ARHGAP39: variants seen among roughly 807,000 people sequenced by gnomAD.
ARHGAP39 encodes rho GTPase-activating protein 39.
ARHGAP39 carries 44 observed loss-of-function variants against 106.9 expected under a neutral mutation model. That is an observed-to-expected ratio of 0.41 (90% CI 0.32 to 0.53). The LOEUF (loss-of-function observed/expected upper bound fraction) is 0.53. Among genes scored for constraint, ARHGAP39 ranks in the 20% least tolerant of loss-of-function variants. The probability of loss-of-function intolerance (pLI) is 0.21; values close to 1 mark genes in which losing one functional copy is unlikely to be tolerated. For missense variants in ARHGAP39, 1,496 were observed against 1,577.3 expected, an observed-to-expected ratio of 0.95 and a Z score of 0.87; for synonymous variants, 768 against 693.2, an observed-to-expected ratio of 1.11 and a Z score of -1.69.
At position 144,647,348 on chromosome 8, in the gene ARHGAP39, C is replaced by A. The variant is rs889079072; in HGVS notation, c.-82+38338G>T. 6.6e-6 allele frequency among the ~76,000 whole-genome samples: 1 copy of A among 152,142 alleles called. No individual in the cohort carries two copies. Among genetic ancestry groups the A allele is most frequent in the Non-Finnish European group, 1.5e-5 (1 of 68,006 alleles). ...CGAACAGCCCATCCTCACATGAAAC[C>A]CGCAGACTGCTGTGTCAAGGTGGCA... On this transcript the variant is annotated intron_variant, in intron 1 of 11. Transcript: ENST00000377307. This position sits in a 1 kb window ranked among gnomAD's most constrained non-coding sequence, Gnocchi z 4.8.
chr8:144,694,963 A>G, the ARHGAP39 span, among the ~76,000 whole-genome samples: 1 of 151,816 alleles, frequency 6.6e-6, no homozygotes, highest in Non-Finnish European at 1.5e-5. Flanking sequence ...GTGAGAAGTG[A>G]TTGTTCACAC....
At chr8:144,695,327 G>A in the ARHGAP39 span, among the ~76,000 whole-genome samples, 1 of 150,976 alleles carries the variant, frequency 6.6e-6, no homozygotes, top group Admixed American at 6.6e-5. Flanking sequence ...GCCCGCCTCG[G>A]CCTCCCAAAG....
chr8:144,611,395 G>A (rs983644018), intron 1 of ARHGAP39, among the ~76,000 whole-genome samples: 1 of 152,210 alleles, frequency 6.6e-6, no homozygotes, highest in Non-Finnish European at 1.5e-5. Flanking sequence ...TGATGGTGCT[G>A]ATACTAATTT....
At position 144,543,353 on chromosome 8, in the gene ARHGAP39, T is replaced by C. The variant is rs145067119; in HGVS notation, c.2521+1896A>G. 1.8e-4 allele frequency among the ~76,000 whole-genome samples: 28 copies of C among 151,968 alleles called. No individual in the cohort carries two copies. In the East Asian group the frequency reaches 5.1e-3, roughly 28 times the overall value. ...GGCACAGGAGGCTGGCTGGAGGGGG[T>C]GTGAGGCTCATTTGGGAAGGAATGG... On this transcript the variant is annotated intron_variant, in intron 6 of 11. Transcript: ENST00000377307.
At chr8:144,655,218 C>CT (rs1821665511) in intron 1 of ARHGAP39, among the ~76,000 whole-genome samples, 1 of 152,178 alleles carries the variant, frequency 6.6e-6, no homozygotes, top group African/African-American at 2.4e-5. Context: ...GTCCCATGGA[C>CT]TGGAGTGGGA....
intron 2 of ARHGAP39, among the ~76,000 whole-genome samples, chr8:144,599,565 G>A (rs966352223): frequency 2.0e-5 from 3 of 152,196 alleles, no homozygotes; most frequent in African/African-American, 7.2e-5. Context: ...GAAGAGGCCT[G>A]GCTGAATGTG....
Position 144,604,636 on chromosome 8 carries a change from C to A in ARHGAP39, c.80+899G>T, listed in dbSNP as rs937717898. 6.6e-5 allele frequency among the ~76,000 whole-genome samples: 10 copies of A among 152,090 alleles called. No homozygotes were observed. The highest frequency in any genetic ancestry group is 5.2e-4 in the Admixed American group (8 of 15,258). On this transcript the variant is annotated intron_variant, in intron 2 of 11. Transcript: ENST00000377307. This position sits in a 1 kb window ranked among gnomAD's most constrained non-coding sequence, Gnocchi z 4.1. ...AGGGTGACTATTACCTTAAAAATAT[C>A]AATGTGACAACAGGCAGAGAAAAGC... is the stretch of plus-strand genomic sequence containing the variant.
intron 6 of ARHGAP39, among the ~76,000 whole-genome samples, chr8:144,542,222 C>T (rs953673497): frequency 2.0e-5 from 3 of 152,208 alleles, no homozygotes; most frequent in Admixed American, 6.5e-5. Context: ...ATGTCTGTGT[C>T]GAGAACCTGT....
At chr8:144,698,682 T>G in the ARHGAP39 span, 140 of 356,362 alleles carry the variant, frequency 3.9e-4, no homozygotes, top group African/African-American at 2.7e-3. Context: ...ACCTATCTGT[T>G]CCATCCATAT....
At chr8:144,546,597 A>G (rs1383675545) in intron 5 of ARHGAP39, among the ~76,000 whole-genome samples, 2 of 152,204 alleles carry the variant, frequency 1.3e-5, no homozygotes, top group African/African-American at 4.8e-5. Flanking sequence ...CACGGGATCT[A>G]GCCTCCATCA....
intron 4 of ARHGAP39, among the ~76,000 whole-genome samples, chr8:144,551,790 G>A (rs932101601): frequency 5.9e-5 from 9 of 152,142 alleles, no homozygotes; most frequent in South Asian, 4.1e-4. Flanking sequence ...CCCGGCCCCC[G>A]GGAGCAAGCA....
chr8:144,530,917 C>G lies in ARHGAP39; in HGVS notation c.2981-46G>C, dbSNP rs551880628. The G allele has an allele frequency of 3.8e-6, 6 of 1,574,430 alleles. No individual in the cohort carries two copies. The African/African-American group carries it at 8.1e-5, about 21-fold the overall frequency. On this transcript the variant is annotated intron_variant, in intron 10 of 11. Transcript: ENST00000377307. Reference sequence around the variant, plus strand: ...TCAGCGGCCCTGCTCGGCGGGCACCCCTGGGCCAAATGGGGTCCCGTGGCG... The same window carrying G: ...TCAGCGGCCCTGCTCGGCGGGCACCGCTGGGCCAAATGGGGTCCCGTGGCG...
rs758255215 is a variant in ARHGAP39 at position 144,646,345 on chromosome 8, G to C, written c.-82+39341C>G. ...TAAAAGTGGTACTGGGAGTTGGCAG[G>C]AACAGAGAGCGGGAGGGGAGGGAGT... On this transcript the variant is annotated intron_variant, in intron 1 of 11. Coordinates refer to ENST00000377307, the MANE Select transcript of ARHGAP39 (RefSeq NM_025251.3). The surrounding 1 kb of genome is among the most constrained non-coding windows in gnomAD (Gnocchi z 5.7). 1.3e-5 allele frequency among the ~76,000 whole-genome samples: 2 copies of C among 152,204 alleles called. No homozygotes were observed. The highest frequency in any genetic ancestry group is 4.8e-5 in the African/African-American group (2 of 41,442).
At position 144,586,831 on chromosome 8, in the gene ARHGAP39, C is replaced by G. The variant is rs967812578; in HGVS notation, c.81-5554G>C. On this transcript the variant is annotated intron_variant, in intron 2 of 11. Transcript: ENST00000377307. This position sits in a 1 kb window ranked among gnomAD's most constrained non-coding sequence, Gnocchi z 4.2. ...CTGCAGGACAGCAGCCATCAGCAAC[C>G]CTACATGGCTGCACGCCCATCTCAT... Among the ~76,000 whole-genome samples the G allele has an allele frequency of 1.3e-5, 2 of 152,200 alleles. No homozygotes were observed. Among genetic ancestry groups the G allele is most frequent in the Non-Finnish European group, 2.9e-5 (2 of 68,038 alleles).
intron 3 of ARHGAP39, among the ~76,000 whole-genome samples, chr8:144,573,394 G>A (rs1818652795): frequency 6.7e-6 from 1 of 149,380 alleles, no homozygotes; most frequent in Admixed American, 6.7e-5. Context: ...TTCATAGGTG[G>A]GAAATGAACA....
chr8:144,597,906 G>C (rs1819682815), intron 2 of ARHGAP39, among the ~76,000 whole-genome samples: 1 of 152,176 alleles, frequency 6.6e-6, no homozygotes, highest in Non-Finnish European at 1.5e-5. Context: ...AACAGACAGG[G>C]ATGCGTCCAC....
At chr8:144,687,649 C>T (rs1190688336), upstream of ARHGAP39, among the ~76,000 whole-genome samples, 3 of 106,568 alleles carry the variant, frequency 2.8e-5, no homozygotes, top group Non-Finnish European at 6.1e-5. Context: ...TGAGCACTTC[C>T]CACCCCCGTG....
intron 1 of ARHGAP39, among the ~76,000 whole-genome samples, chr8:144,620,734 G>A (rs1385946401): frequency 1.3e-5 from 2 of 152,234 alleles, no homozygotes; most frequent in Non-Finnish European, 2.9e-5. Flanking sequence ...GACCCAGTGG[G>A]CTGCCCTGAG....
intron 1 of ARHGAP39, among the ~76,000 whole-genome samples, chr8:144,630,126 C>T (rs970884043): frequency 2.0e-5 from 3 of 152,164 alleles, no homozygotes; most frequent in African/African-American, 4.8e-5. Context: ...GCACACGAGC[C>T]GAACAGGAAC....
Sources: allele counts gnomAD v4.1 joint callset (sites outside exome capture counted in the v4.1 genomes callset), GRCh38; gene constraint gnomAD v4.1.1; non-coding constraint Gnocchi (gnomAD v3.1); transcripts MANE v1.5; gene names NCBI Gene and HGNC (gene_info 2026-07-23, HGNC 2026-07-21).